The following FGF14 variants were observed in gnomAD, a reference collection of about 807,000 sequenced individuals.
The protein encoded by FGF14 is fibroblast growth factor 14, also known as fibroblast growth factor homologous factor 4.
FGF14 carries 5 observed loss-of-function variants against 25.5 expected under a neutral mutation model. The observed-to-expected ratio is 0.20, with a 90% CI of 0.10 to 0.41. The LOEUF is 0.41. Ranked by LOEUF, FGF14 falls within the 10% of genes least tolerant of loss-of-function variation. The pLI is 1.00. For synonymous variants in FGF14, 138 were observed against 118.3 expected (o/e 1.17, Z -1.08); for missense variants, 222 against 320.1 (o/e 0.69, Z 2.34).
chr13:102,267,288 T>C (rs2053035677), intron 1 of FGF14, among the ~76,000 whole-genome samples: 1 of 152,206 alleles, frequency 6.6e-6, no homozygotes, highest in Non-Finnish European at 1.5e-5. Flanking sequence ...TCTCCATCTT[T>C]GTGCCTCCAG....
At chr13:102,109,097 G>GA (rs145317099) in intron 1 of FGF14, among the ~76,000 whole-genome samples, 8 of 151,720 alleles carry the variant, frequency 5.3e-5, no homozygotes, top group Admixed American at 2.6e-4. Flanking sequence ...TATTTCTAGA[G>GA]AGGTCTTTCA....
At chr13:101,876,132 G>A (rs1332780295) in intron 1 of FGF14, among the ~76,000 whole-genome samples, 1 of 152,296 alleles carries the variant, frequency 6.6e-6, no homozygotes, top group East Asian at 1.9e-4. Context: ...AAATCATGTG[G>A]TAATAGATCC....
At chr13:102,396,743 G>A (rs1277386320) in intron 1 of FGF14, among the ~76,000 whole-genome samples, 1 of 152,172 alleles carries the variant, frequency 6.6e-6, no homozygotes, top group Admixed American at 6.5e-5. Flanking sequence ...ACTAAGTTTA[G>A]ATTATCATGC....
intron 3 of FGF14, among the ~76,000 whole-genome samples, chr13:101,769,831 A>C (rs72660340): frequency 0.044 from 6,768 of 152,258 alleles, 218 homozygotes; most frequent in Middle Eastern, 0.095. Flanking sequence ...GGCAGAGCAC[A>C]GAAGATTTTT....
intron 1 of FGF14, chr13:102,373,735 T>C (rs183695830): frequency 6.6e-6 from 1 of 152,320 alleles, no homozygotes; most frequent in Non-Finnish European, 1.5e-5. Context: ...ATAAATGGAA[T>C]AAACACAAGT....
intron 1 of FGF14, among the ~76,000 whole-genome samples, chr13:101,916,168 A>AG (rs1326215816): frequency 6.6e-6 from 1 of 152,178 alleles, no homozygotes; most frequent in Non-Finnish European, 1.5e-5. Context: ...GCCGAGACTC[A>AG]GGGGGAACAG....
chr13:101,726,957 G>T, intron 3 of FGF14, 147 bp from the exon 4 acceptor site: 1 of 604,918 alleles, frequency 1.7e-6, no homozygotes, highest in Non-Finnish European at 2.9e-6. Flanking sequence ...CACAGTAATT[G>T]TCTATACATT....
chr13:102,087,927 T>C (rs2044001058), intron 1 of FGF14, among the ~76,000 whole-genome samples: 1 of 152,224 alleles, frequency 6.6e-6, no homozygotes, highest in South Asian at 2.1e-4. Context: ...AGATGATATG[T>C]ATGCAGATGT....
chr13:101,724,250 A>G (rs1309984529), intron 4 of FGF14, among the ~76,000 whole-genome samples: 1 of 152,162 alleles, frequency 6.6e-6, no homozygotes, highest in East Asian at 1.9e-4. Context: ...TGGCACATAT[A>G]CACCATGGAA....
intron 1 of FGF14, among the ~76,000 whole-genome samples, chr13:102,085,338 G>A (rs1162338712): frequency 6.6e-6 from 1 of 152,136 alleles, no homozygotes; most frequent in Non-Finnish European, 1.5e-5. Flanking sequence ...CATTGAATCT[G>A]AAAACAATCC....
At chr13:101,946,900 T>A (rs935943925) in intron 1 of FGF14, among the ~76,000 whole-genome samples, 1 of 152,176 alleles carries the variant, frequency 6.6e-6, no homozygotes, top group Admixed American at 6.5e-5. Flanking sequence ...TTTTATAATA[T>A]TGAACCCAGT....
At chr13:101,771,443 T>C (rs563353452) in intron 3 of FGF14, among the ~76,000 whole-genome samples, 1 of 152,250 alleles carries the variant, frequency 6.6e-6, no homozygotes, top group East Asian at 1.9e-4. Flanking sequence ...ATTAAAGCAT[T>C]AGTAGATTAT....
At chr13:101,987,994 T>A (rs972141424) in intron 1 of FGF14, among the ~76,000 whole-genome samples, 1 of 152,076 alleles carries the variant, frequency 6.6e-6, no homozygotes, top group Non-Finnish European at 1.5e-5. Context: ...GAATCACGAA[T>A]GAAATACATA....
At chr13:102,187,977 C>G (rs1034190932) in intron 1 of FGF14, among the ~76,000 whole-genome samples, 1 of 152,092 alleles carries the variant, frequency 6.6e-6, no homozygotes, top group African/African-American at 2.4e-5. Context: ...TAAGTAGACA[C>G]CTAAGAAGCT....
intron 1 of FGF14, among the ~76,000 whole-genome samples, chr13:102,146,306 GA>G (rs1370962412): frequency 2.0e-5 from 3 of 152,190 alleles, no homozygotes; most frequent in Non-Finnish European, 4.4e-5. Flanking sequence ...TTTGGTGGCT[GA>G]CAAATTATTT....
chr13:102,159,131 C>G (rs1268763297), intron 1 of FGF14, among the ~76,000 whole-genome samples: 3 of 126,376 alleles, frequency 2.4e-5, no homozygotes, highest in Non-Finnish European at 4.8e-5. Flanking sequence ...GAGAGCCAGA[C>G]TCTGTCTCAA....
chr13:102,194,352 G>A (rs1353974949), intron 1 of FGF14, among the ~76,000 whole-genome samples: 1 of 151,968 alleles, frequency 6.6e-6, no homozygotes, highest in Non-Finnish European at 1.5e-5. Flanking sequence ...GTGCCATGGT[G>A]GTCTGCTGCA....
intron 1 of FGF14, among the ~76,000 whole-genome samples, chr13:102,119,188 A>C (rs1349990675): frequency 6.6e-6 from 1 of 152,240 alleles, no homozygotes; most frequent in African/African-American, 2.4e-5. Flanking sequence ...GCTGAATCTC[A>C]TCAAGCATTT....
intron 1 of FGF14, among the ~76,000 whole-genome samples, chr13:102,138,893 TCTTA>T (rs2046518529): frequency 6.6e-6 from 1 of 152,236 alleles, no homozygotes; most frequent in Non-Finnish European, 1.5e-5. Context: ...GTGTTTCAGT[TCTTA>T]CTTTATAATT....
Sources: allele counts gnomAD v4.1 joint callset (sites outside exome capture counted in the v4.1 genomes callset), GRCh38; gene constraint gnomAD v4.1.1; transcripts MANE v1.5; gene names NCBI Gene and HGNC (gene_info 2026-07-23, HGNC 2026-07-21).